Variants in GAS7 observed in about 807,000 individuals in gnomAD.
GAS7 encodes growth arrest-specific protein 7.
GAS7 carries 28 observed loss-of-function variants against 71.1 expected under a neutral mutation model. The ratio of observed to expected loss-of-function variants is 0.39; its 90% CI spans 0.29 to 0.54. The LOEUF is 0.54. Ranked by LOEUF, GAS7 falls within the 20% of genes least tolerant of loss-of-function variation. The pLI, the probability that GAS7 is intolerant of heterozygous loss-of-function variation, is 0.62. For synonymous variants in GAS7, 258 were observed against 245.8 expected, an observed-to-expected ratio of 1.05 and a Z score of -0.46; for missense variants, 436 against 627.8, an observed-to-expected ratio of 0.69 and a Z score of 3.27.
intron 1 of GAS7, among the ~76,000 whole-genome samples, chr17:10,152,571 A>C (rs2074174482): frequency 1.3e-5 from 2 of 152,324 alleles, no homozygotes; most frequent in African/African-American, 4.8e-5. Flanking sequence ...ATGTGACTCC[A>C]GATAGACATT....
chr17:9,950,913 T>TA (rs3842390), intron 5 of GAS7, among the ~76,000 whole-genome samples: 2,273 of 151,160 alleles, frequency 0.015, 111 homozygotes, highest in East Asian at 0.12. Flanking sequence ...TGTGATGGAT[T>TA]AAAAAAACAA....
intron 2 of GAS7, among the ~76,000 whole-genome samples, chr17:9,988,621 A>G (rs955043488): frequency 3.9e-5 from 6 of 152,030 alleles, no homozygotes; most frequent in Non-Finnish European, 8.8e-5. Flanking sequence ...CAGGAGGCGG[A>G]GGTTGTGGTG....
rs890151331 is a variant in GAS7 at position 9,926,631 on chromosome 17, G to A, written c.1014+10C>T. The stretch of plus-strand genomic sequence containing the variant: ...GCACCTGCCCTGGCCCAGCGTCCTG[G>A]GCCTCTCACCTTCTCCACCGAGGCA... On this transcript the variant is annotated intron_variant, in intron 10 of 13. Coordinates refer to ENST00000432992, the MANE Select transcript of GAS7 (RefSeq NM_201433.2). This position sits in a 1 kb window ranked among gnomAD's most constrained non-coding sequence, Gnocchi z 5.0. 3 of 1,612,620 alleles carry A rather than the reference G, an allele frequency of 1.9e-6. No individual in the cohort carries two copies. Among genetic ancestry groups the A allele is most frequent in the African/African-American group, 2.7e-5 (2 of 75,060 alleles).
At position 10,007,907 on chromosome 17, in the gene GAS7, C is replaced by A. The variant is rs79345075; in HGVS notation, c.304+11870G>T. On this transcript the variant is annotated intron_variant, in intron 2 of 13. Transcript: ENST00000432992. ...CACTCGCCATTAATTCCAGCTCCCC[C>A]CCGCAACCACCAGGGTGGTTTTCTG... Among the ~76,000 whole-genome samples, 5 of 152,140 alleles carry A rather than the reference C, an allele frequency of 3.3e-5. No individual in the cohort carries two copies. The East Asian group carries it at 7.7e-4, about 23-fold the overall frequency.
chr17:10,099,914 C>T (rs1447254161), intron 1 of GAS7, among the ~76,000 whole-genome samples: 1 of 152,162 alleles, frequency 6.6e-6, no homozygotes, highest in Non-Finnish European at 1.5e-5. Flanking sequence ...GGACAGTGGA[C>T]AGTGGAAGGC....
At chr17:10,180,978 A>G (rs1451038184) in intron 1 of GAS7, among the ~76,000 whole-genome samples, 1 of 148,636 alleles carries the variant, frequency 6.7e-6, no homozygotes, top group Non-Finnish European at 1.5e-5. Flanking sequence ...TCCACAATGT[A>G]GTGGGTGGCA....
chr17:10,081,330 T>G (rs1162056109), intron 1 of GAS7, among the ~76,000 whole-genome samples: 1 of 107,970 alleles, frequency 9.3e-6, no homozygotes, highest in African/African-American at 3.5e-5. Flanking sequence ...AATTTTTGTA[T>G]TTTTTTGTAG....
intron 1 of GAS7, among the ~76,000 whole-genome samples, chr17:10,133,503 A>G (rs1365311793): frequency 6.6e-6 from 1 of 152,186 alleles, no homozygotes; most frequent in East Asian, 1.9e-4. Context: ...TACACTGTGG[A>G]GTGGCTCAAC....
chr17:9,945,407 T>A (rs1431062604), intron 6 of GAS7, among the ~76,000 whole-genome samples: 1 of 151,960 alleles, frequency 6.6e-6, no homozygotes, highest in Non-Finnish European at 1.5e-5. Context: ...TTACGCACTC[T>A]GATGCTTGCT....
At chr17:10,015,897 C>T (rs1399052180) in intron 2 of GAS7, among the ~76,000 whole-genome samples, 1 of 152,168 alleles carries the variant, frequency 6.6e-6, no homozygotes, top group Non-Finnish European at 1.5e-5. Context: ...ACACCCTGGA[C>T]TCCTGCTTCA....
intron 1 of GAS7, among the ~76,000 whole-genome samples, chr17:10,187,796 C>G (rs1313931223): frequency 6.6e-6 from 1 of 152,152 alleles, no homozygotes; most frequent in Non-Finnish European, 1.5e-5. Flanking sequence ...GCATGTATTC[C>G]TTCTACCTAT....
chr17:10,180,069 G>A (rs372964112), intron 1 of GAS7, among the ~76,000 whole-genome samples: 2 of 152,260 alleles, frequency 1.3e-5, no homozygotes. Flanking sequence ...GGCTGGGCGT[G>A]GTGGCTCATG....
chr17:10,187,402 T>C (rs1389498360), intron 1 of GAS7, among the ~76,000 whole-genome samples: 1 of 152,210 alleles, frequency 6.6e-6, no homozygotes, highest in Admixed American at 6.5e-5. Flanking sequence ...ATGCTACCTT[T>C]TTCAGAATAT....
At position 9,999,347 on chromosome 17, in the gene GAS7, G is replaced by A. The variant is rs141574794; in HGVS notation, c.305-17463C>T. 5.1e-4 allele frequency among the ~76,000 whole-genome samples: 78 copies of A among 152,082 alleles called. 1 individual carries two copies. The East Asian group carries it at 0.011, about 21-fold the overall frequency. On this transcript the variant is annotated intron_variant, in intron 2 of 13. Transcript: ENST00000432992. ...AGCCTGGCCAACATGGTGAAACCCCGTCTCTACTAAAAATACAAAAATTAG... is the reference window on the plus strand; with the variant it reads ...AGCCTGGCCAACATGGTGAAACCCCATCTCTACTAAAAATACAAAAATTAG...
intron 1 of GAS7, among the ~76,000 whole-genome samples, chr17:10,048,221 G>A (rs1394423004): frequency 6.6e-6 from 1 of 152,248 alleles, no homozygotes; most frequent in African/African-American, 2.4e-5. Flanking sequence ...AGAACTGCTT[G>A]AACCAAGGAG....
At chr17:9,970,814 C>T (rs1196311128) in intron 3 of GAS7, among the ~76,000 whole-genome samples, 1 of 152,180 alleles carries the variant, frequency 6.6e-6, no homozygotes, top group Non-Finnish European at 1.5e-5. Context: ...GCCAAAGACA[C>T]TCCCAGCATG....
At chr17:9,972,701 C>T (rs1366983675) in intron 3 of GAS7, among the ~76,000 whole-genome samples, 1 of 152,082 alleles carries the variant, frequency 6.6e-6, no homozygotes, top group Non-Finnish European at 1.5e-5. Context: ...AAACACAGGC[C>T]ACATTCTTTG....
chr17:10,133,474 CAT>C (rs2074014942), intron 1 of GAS7, among the ~76,000 whole-genome samples: 1 of 152,068 alleles, frequency 6.6e-6, no homozygotes. Context: ...TGGTGTACAA[CAT>C]ATATTTATGG....
rs75507765 is a variant in GAS7, at chr17:9,981,578, C to A, written c.385+226G>T. Among the ~76,000 whole-genome samples the A allele has an allele frequency of 6.6e-6, 1 of 152,160 alleles. No homozygotes were observed. Among genetic ancestry groups the A allele is most frequent in the Non-Finnish European group, 1.5e-5 (1 of 68,034 alleles). On this transcript the variant is annotated intron_variant, in intron 3 of 13. Coordinates refer to ENST00000432992, the MANE Select transcript of GAS7 (RefSeq NM_201433.2). This position sits in a 1 kb window ranked among gnomAD's most constrained non-coding sequence, Gnocchi z 4.4. ...CCCCCAGCCATCTCCTCCCACTAAG[C>A]GCCTGAGGAGGAGTGTGCAGGAGGC...
Sources: allele counts gnomAD v4.1 joint callset (sites outside exome capture counted in the v4.1 genomes callset), GRCh38; gene constraint gnomAD v4.1.1; non-coding constraint Gnocchi (gnomAD v3.1); transcripts MANE v1.5; gene names NCBI Gene and HGNC (gene_info 2026-07-23, HGNC 2026-07-21).